Variants in MYO7B observed in about 807,000 individuals in gnomAD.
MYO7B encodes myosin VIIB, also known as unconventional myosin-VIIb.
In MYO7B, 212 loss-of-function variants were observed where a neutral mutation model predicts 259.7. The ratio of observed to expected loss-of-function variants is 0.82; its 90% CI spans 0.73 to 0.91. MYO7B has a LOEUF of 0.91. Among genes scored for constraint, MYO7B ranks in the 40% least tolerant of loss-of-function variants. The pLI is 0.00. For missense variants in MYO7B, 2,732 were observed against 2,813.5 expected (o/e 0.97, Z 0.66); for synonymous variants, 1,197 against 1,166.4 (o/e 1.03, Z -0.54).
intron 41 of MYO7B, 87 bp from the exon 42 acceptor site, chr2:127,634,509 G>T (rs995154028): frequency 1.6e-6 from 2 of 1,219,532 alleles, no homozygotes; most frequent in Non-Finnish European, 2.4e-6. Context: ...CCAGGCCGTA[G>T]GCGGCCACTG....
chr2:127,596,641 C>A, intron 19 of MYO7B, 85 bp downstream of exon 19: 1 of 1,145,034 alleles, frequency 8.7e-7, no homozygotes, highest in Non-Finnish European at 1.3e-6. Flanking sequence ...ACCAGGATCA[C>A]ATGTTCCCGC....
In MYO7B at chr2:127,542,310, T is replaced by C. The variant is rs1420157171; in HGVS notation, c.-24+6479T>C. Among the ~76,000 whole-genome samples, 4 of 152,130 alleles carry C rather than the reference T, an allele frequency of 2.6e-5. No homozygotes were observed. In the East Asian group the frequency reaches 5.8e-4, roughly 22 times the overall value. On this transcript the variant is annotated intron_variant, in intron 1 of 47. Coordinates refer to ENST00000409816, the MANE Select transcript of MYO7B (RefSeq NM_001393586.1). ...AATGGAGGGAACTTGAAATCTAGACTCAGGACCCTTTTTCTCTGGTGTGCA... is the reference window on the plus strand; with the variant it reads ...AATGGAGGGAACTTGAAATCTAGACCCAGGACCCTTTTTCTCTGGTGTGCA...
chr2:127,559,985 T>G lies in MYO7B; in HGVS notation c.18+245T>G, dbSNP rs1349939165. Among the ~76,000 whole-genome samples the G allele has an allele frequency of 6.6e-6, 1 of 152,030 alleles. No individual in the cohort carries two copies. The highest frequency in any genetic ancestry group is 2.4e-5 in the African/African-American group (1 of 41,394). ...TCACTTTCATGTAGGGCTTAACATG[T>G]CCCTTTGTCTTGATAAAGGGATTTC... On this transcript the variant is annotated intron_variant, in intron 2 of 47. Coordinates refer to ENST00000409816, the MANE Select transcript of MYO7B (RefSeq NM_001393586.1). The surrounding 1 kb of genome is among the most constrained non-coding windows in gnomAD (Gnocchi z 4.1).
intron 3 of MYO7B, 92 bp from the exon 4 acceptor site, chr2:127,565,141 C>T (rs932988949): frequency 1.3e-6 from 2 of 1,490,422 alleles, no homozygotes; most frequent in Non-Finnish European, 1.8e-6. Flanking sequence ...CGGAAGGTCA[C>T]CTTGCTGCTG....
intron 26 of MYO7B, among the ~76,000 whole-genome samples, chr2:127,617,821 T>G (rs1011280846): frequency 1.3e-5 from 2 of 151,404 alleles, no homozygotes; most frequent in Non-Finnish European, 2.9e-5. Flanking sequence ...GGTTTCTTAT[T>G]CATCTGGTTG....
In MYO7B at chr2:127,539,427, C is replaced by G. The variant is rs1212258648; in HGVS notation, c.-24+3596C>G. 5.9e-5 allele frequency among the ~76,000 whole-genome samples: 9 copies of G among 152,284 alleles called. No individual in the cohort carries two copies. Among genetic ancestry groups the G allele is most frequent in the African/African-American group, 1.4e-4 (6 of 41,568 alleles). ...ATAATGTTCTCAAGTTAGGCAAAAG[C>G]CAGTTTCCAAGGGGAAGACCAGCTT... On this transcript the variant is annotated intron_variant, in intron 1 of 47. Coordinates refer to ENST00000409816, the MANE Select transcript of MYO7B (RefSeq NM_001393586.1). This position sits in a 1 kb window ranked among gnomAD's most constrained non-coding sequence, Gnocchi z 4.0.
In MYO7B at chr2:127,627,436, G is replaced by T; in HGVS notation, c.4460+126G>T. The T allele has an allele frequency of 7.6e-7, 1 of 1,308,964 alleles. No homozygotes were observed. Among genetic ancestry groups the T allele is most frequent in the Non-Finnish European group, 1.1e-6 (1 of 940,556 alleles). 81.1% of individuals were successfully genotyped at this position (1,308,964 alleles called of 1,614,324 possible). A position where few individuals can be genotyped will look rare whatever the true frequency, so the allele number is the denominator to read the frequency against. On this transcript the variant is annotated intron_variant, in intron 33 of 47. Transcript: ENST00000409816. The surrounding 1 kb of genome is among the most constrained non-coding windows in gnomAD (Gnocchi z 5.6). The stretch of plus-strand genomic sequence containing the variant: ...GTAACAGGCCGGGGTGGAGGGACAA[G>T]AATCTACGTATGCGATGGCTTCTGT...
At chr2:127,581,805 G>T (rs1201039526) in intron 10 of MYO7B, 86 bp from the exon 11 acceptor site, 2 of 1,577,540 alleles carry the variant, frequency 1.3e-6, no homozygotes, top group African/African-American at 2.7e-5. Context: ...GGTCACGAGA[G>T]GGAACAAGAC....
Position 127,596,564 on chromosome 2 carries a change from C to A in MYO7B, c.2339+8C>A, listed in dbSNP as rs1480327895. On this transcript the variant is annotated splice_region_variant and intron_variant, in intron 19 of 47. Coordinates refer to ENST00000409816, the MANE Select transcript of MYO7B (RefSeq NM_001393586.1). ...TCGGGGCTACAGATACAGGTGCCGG[C>A]CCCACCCCAAGGCCCACCCAGCCTA... is the stretch of plus-strand genomic sequence containing the variant. 6.2e-7 allele frequency: 1 copy of A among 1,604,998 alleles called. No individual in the cohort carries two copies. Among genetic ancestry groups the A allele is most frequent in the South Asian group, 1.1e-5 (1 of 89,266 alleles).
chr2:127,590,152 C>G lies in MYO7B; in HGVS notation c.1915C>G (p.Gln639Glu). 1 of 1,611,254 alleles carries G rather than the reference C, an allele frequency of 6.2e-7. No homozygotes were observed. The change falls in exon 16 of 48, where the codon CAG (glutamine) becomes GAG (glutamate). Residue 639 changes from glutamine (Q) to glutamate (E), a missense_variant. This residue lies in a region of MYO7B where 1,906 missense variants were observed against 2,026.4 expected (regional missense o/e 0.94). Transcript: ENST00000409816. This position sits in a 1 kb window ranked among gnomAD's most constrained non-coding sequence, Gnocchi z 4.6. Reference sequence around the variant, plus strand: ...AAGCCAGTTCAAACAGTCTCTGGACCAGCTGATGAAAATCCTGACCAACTG... The same window carrying G: ...AAGCCAGTTCAAACAGTCTCTGGACGAGCTGATGAAAATCCTGACCAACTG... Reference protein sequence around the residue: ...LGSQFKQSLDQLMKILTNCQP... With the variant: ...LGSQFKQSLDELMKILTNCQP...
In MYO7B at chr2:127,624,320, G is replaced by C; in HGVS notation, c.4047G>C (p.Lys1349Asn). ...GVWSGEYSFE[K>N]EEELVELLAR... is the part of the protein sequence containing the mutation. ...GGTCTGGCGAGTACAGCTTCGAGAA[G>C]GTGAGGGGCCTGAGAGCCAGGTCCA... Residue 1349 changes from lysine to asparagine, a missense_variant and splice_region_variant, in exon 30 of 48, where the codon AAG becomes AAC. Physicochemically the swap from Lys to Asn is moderately conservative, Grantham distance 94 (BLOSUM62 0). This residue lies in a region of MYO7B where 1,906 missense variants were observed against 2,026.4 expected (regional missense o/e 0.94). Transcript: ENST00000409816. The C allele has an allele frequency of 3.2e-6, 5 of 1,568,858 alleles. No individual in the cohort carries two copies. The highest frequency in any genetic ancestry group is 2.4e-5 in the East Asian group (1 of 42,124).
chr2:127,628,606 G>A lies in MYO7B; in HGVS notation c.4624+71G>A. ...GGGCCGCGCATGGGGTCTGTAGGTA[G>A]GTGGCATGCTCATCTCCACACAGCA... On this transcript the variant is annotated intron_variant, in intron 34 of 47. Coordinates refer to ENST00000409816, the MANE Select transcript of MYO7B (RefSeq NM_001393586.1). The surrounding 1 kb of genome is among the most constrained non-coding windows in gnomAD (Gnocchi z 4.8). The A allele has an allele frequency of 7.1e-7, 1 of 1,409,058 alleles. No individual in the cohort carries two copies. Among genetic ancestry groups the A allele is most frequent in the Non-Finnish European group, 9.6e-7 (1 of 1,046,366 alleles). The allele number at this position is 1,409,058 out of a possible 1,614,324, so 87.3% of individuals were successfully genotyped here.
intron 19 of MYO7B, among the ~76,000 whole-genome samples, chr2:127,601,861 C>T (rs1480521245): frequency 6.6e-6 from 1 of 152,150 alleles, no homozygotes; most frequent in Non-Finnish European, 1.5e-5. Flanking sequence ...TCATTGTTCC[C>T]TTCAATGTGG....
intron 5 of MYO7B, among the ~76,000 whole-genome samples, chr2:127,567,770 A>G (rs937109480): frequency 2.0e-5 from 3 of 152,208 alleles, no homozygotes; most frequent in African/African-American, 4.8e-5. Context: ...AACAAAAGGG[A>G]CCAGAATCCC....
In MYO7B at chr2:127,597,471, C is replaced by T. The variant is rs1271652439; in HGVS notation, c.2339+915C>T. Among the ~76,000 whole-genome samples the T allele has an allele frequency of 6.6e-6, 1 of 152,134 alleles. No individual in the cohort carries two copies. The highest frequency in any genetic ancestry group is 1.5e-5 in the Non-Finnish European group (1 of 68,028). On this transcript the variant is annotated intron_variant, in intron 19 of 47. Transcript: ENST00000409816. The surrounding 1 kb of genome is among the most constrained non-coding windows in gnomAD (Gnocchi z 4.8). ...CCCAGTGCTGCTTAACCCCAGCAAC[C>T]TCTAACCTGTTCTACATTTCTAGAA...
At chr2:127,619,591 G>A (rs973591650) in intron 26 of MYO7B, among the ~76,000 whole-genome samples, 4 of 152,088 alleles carry the variant, frequency 2.6e-5, no homozygotes, top group South Asian at 2.1e-4. Context: ...ATGTCGTGTC[G>A]CAGTTGACAT....
rs1182356967 is a variant in MYO7B at position 127,613,090 on chromosome 2, G to A, written c.3398+487G>A. Among the ~76,000 whole-genome samples, 2 of 152,082 alleles carry A rather than the reference G, an allele frequency of 1.3e-5. No individual in the cohort carries two copies. Among genetic ancestry groups the A allele is most frequent in the African/African-American group, 4.8e-5 (2 of 41,404 alleles). On this transcript the variant is annotated intron_variant, in intron 26 of 47. Transcript: ENST00000409816. The surrounding 1 kb of genome is among the most constrained non-coding windows in gnomAD (Gnocchi z 4.3). ...AAGGGACTGACTACTGTGTTTTAGG[G>A]GTTCACTTACTTTAGGTTAATACTT... is the stretch of plus-strand genomic sequence containing the variant.
intron 19 of MYO7B, among the ~76,000 whole-genome samples, chr2:127,598,967 T>C (rs1679866293): frequency 6.6e-6 from 1 of 152,238 alleles, no homozygotes; most frequent in Non-Finnish European, 1.5e-5. Context: ...TTGTTTATCA[T>C]AGTTATATAA....
At chr2:127,578,025 G>A (rs564299161) in intron 8 of MYO7B, 108 bp from the exon 9 acceptor site, 71 of 1,301,184 alleles carry the variant, frequency 5.5e-5, no homozygotes, top group Admixed American at 1.1e-4. Flanking sequence ...TGGACCCTAC[G>A]TGGTCCACCC....
Sources: allele counts gnomAD v4.1 joint callset (sites outside exome capture counted in the v4.1 genomes callset), GRCh38; gene constraint gnomAD v4.1.1; regional missense constraint gnomAD v4.1.1; non-coding constraint Gnocchi (gnomAD v3.1); transcripts MANE v1.5; gene names NCBI Gene and HGNC (gene_info 2026-07-23, HGNC 2026-07-21).